Variants in PKD1L1 observed in about 807,000 individuals in gnomAD.
The protein encoded by PKD1L1 is polycystin 1 like 1, transient receptor potential channel interacting.
In PKD1L1, 236 loss-of-function variants were observed where a neutral mutation model predicts 323.4. The observed-to-expected ratio is 0.73, with a 90% CI of 0.66 to 0.81. The LOEUF (loss-of-function observed/expected upper bound fraction) is 0.81. Ranked by LOEUF, PKD1L1 falls within the 40% of genes least tolerant of loss-of-function variation. PKD1L1 has a pLI of 0.00. For missense variants in PKD1L1, 3,320 were observed against 3,508.0 expected (o/e 0.95, Z 1.35); for synonymous variants, 1,344 against 1,335.0 (o/e 1.01, Z -0.15).
chr7:47,854,781 C>T (rs1785859453), intron 30 of PKD1L1, 101 bp downstream of exon 30: 7 of 1,391,552 alleles, frequency 5.0e-6, no homozygotes, highest in Non-Finnish European at 7.0e-6. Context: ...CTCATTATTG[C>T]TTTAAAAACA....
At chr7:47,784,358 C>G (rs886980869) in intron 56 of PKD1L1, among the ~76,000 whole-genome samples, 22 of 152,110 alleles carry the variant, frequency 1.4e-4, no homozygotes, top group African/African-American at 5.3e-4. Flanking sequence ...GGGAAAAATT[C>G]CAAGACATAC....
At chr7:47,923,140 C>T (rs1301323465) in intron 7 of PKD1L1, among the ~76,000 whole-genome samples, 1 of 152,018 alleles carries the variant, frequency 6.6e-6, no homozygotes, top group East Asian at 1.9e-4. Flanking sequence ...GCAGCATACT[C>T]GTTAAGAGTC....
At chr7:47,869,520 C>T (rs1562965864) in intron 24 of PKD1L1, among the ~76,000 whole-genome samples, 1 of 152,070 alleles carries the variant, frequency 6.6e-6, no homozygotes, top group Non-Finnish European at 1.5e-5. Context: ...TAAAGAGGGA[C>T]ATTTCCTAAT....
At chr7:47,899,817 G>A (rs1328815102) in intron 13 of PKD1L1, among the ~76,000 whole-genome samples, 1 of 152,066 alleles carries the variant, frequency 6.6e-6, no homozygotes, top group Admixed American at 6.6e-5. Context: ...TTAGCCAGGT[G>A]TGGTGGCGGA....
At chr7:47,793,041 C>A (rs1457885371) in intron 55 of PKD1L1, among the ~76,000 whole-genome samples, 1 of 136,358 alleles carries the variant, frequency 7.3e-6, no homozygotes, top group African/African-American at 2.6e-5. Flanking sequence ...GTTAATAATG[C>A]CTACATAAAA....
chr7:47,922,741 C>T (rs1368721144), intron 7 of PKD1L1, among the ~76,000 whole-genome samples: 2 of 150,366 alleles, frequency 1.3e-5, no homozygotes, highest in East Asian at 3.9e-4. Context: ...CCAGCCGCCC[C>T]GTTGGGGAGG....
chr7:47,954,610 CTTT>C, the PKD1L1 span, among the ~76,000 whole-genome samples: 1 of 151,912 alleles, frequency 6.6e-6, no homozygotes, highest in African/African-American at 2.4e-5. Context: ...TGTAATTACT[CTTT>C]TCTTTATAAA....
At chr7:47,843,582 G>A (rs1785606185) in intron 33 of PKD1L1, among the ~76,000 whole-genome samples, 1 of 152,180 alleles carries the variant, frequency 6.6e-6, no homozygotes, top group African/African-American at 2.4e-5. Context: ...CCTGCTAGCA[G>A]AACAAGGCTA....
At position 47,774,919 on chromosome 7, in the gene PKD1L1, T is replaced by G. The variant is rs746292521; in HGVS notation, c.*224A>C. ...GCTGGAGTTAGAATCTTGTCCCACATCTGAACTCTCCGAATGGTGATTATG... is the reference window on the plus strand; with the variant it reads ...GCTGGAGTTAGAATCTTGTCCCACAGCTGAACTCTCCGAATGGTGATTATG... On this transcript the variant is annotated 3_prime_UTR_variant, in exon 57 of 57. Coordinates refer to ENST00000289672, the MANE Select transcript of PKD1L1 (RefSeq NM_138295.5). 5.6e-6 allele frequency: 3 copies of G among 531,360 alleles called. No individual in the cohort carries two copies. The highest frequency in any genetic ancestry group is 3.6e-5 in the Admixed American group (1 of 27,948). 32.9% of individuals were successfully genotyped at this position (531,360 alleles called of 1,614,324 possible). A position where few individuals can be genotyped will look rare whatever the true frequency, so the allele number is the denominator to read the frequency against.
chr7:47,890,685 G>A lies in PKD1L1; in HGVS notation c.2532C>T (p.Ala844=), dbSNP rs1371848036. 1.3e-5 allele frequency: 21 copies of A among 1,613,820 alleles called. No homozygotes were observed. The highest frequency in any genetic ancestry group is 6.7e-5 in the East Asian group (3 of 44,888). ...FDSSTAHQLD[A]AAPTVSFEAQ... Reference sequence around the variant, plus strand: ...CCTCAAAGGAAACAGTGGGAGCCGCGGCATCCAGTTGGTGTGCAGTGGAGG... The same window carrying A: ...CCTCAAAGGAAACAGTGGGAGCCGCAGCATCCAGTTGGTGTGCAGTGGAGG... The change falls in exon 16 of 57, where the codon GCC becomes GCT. Residue 844 remains alanine, a synonymous_variant. Transcript: ENST00000289672.
At position 47,912,566 on chromosome 7, in the gene PKD1L1, A is replaced by G. The variant is rs547084398; in HGVS notation, c.1228+2866T>C. 2.0e-5 allele frequency among the ~76,000 whole-genome samples: 3 copies of G among 152,240 alleles called. No individual in the cohort carries two copies. In the East Asian group the frequency reaches 5.8e-4, roughly 29 times the overall value. ...CACGGTGGCTCAGACCTGTGATCCT[A>G]GCACTTTGGGAGGCTGAGGCGGGTG... On this transcript the variant is annotated intron_variant, in intron 8 of 56. Transcript: ENST00000289672.
chr7:47,935,360 G>A (rs1226364316), intron 4 of PKD1L1, among the ~76,000 whole-genome samples: 1 of 152,010 alleles, frequency 6.6e-6, no homozygotes, highest in Non-Finnish European at 1.5e-5. Context: ...TGAAATGGAT[G>A]CTACACAGGG....
intron 49 of PKD1L1, among the ~76,000 whole-genome samples, 188 bp from the exon 50 acceptor site, chr7:47,812,239 C>G (rs186190447): frequency 6.6e-6 from 1 of 152,106 alleles, no homozygotes; most frequent in Non-Finnish European, 1.5e-5. Flanking sequence ...CAATAGCCCT[C>G]TGTCCTCTCT....
chr7:47,930,141 A>T (rs572967795), intron 6 of PKD1L1, among the ~76,000 whole-genome samples: 1 of 152,282 alleles, frequency 6.6e-6, no homozygotes. Flanking sequence ...TAAACGAAAG[A>T]TTAAAGAAAG....
intron 7 of PKD1L1, among the ~76,000 whole-genome samples, chr7:47,924,403 A>G (rs1026510378): frequency 2.0e-5 from 3 of 152,156 alleles, no homozygotes; most frequent in African/African-American, 7.2e-5. Flanking sequence ...GAAACGTTAA[A>G]TCCAAAAAAT....
chr7:47,862,603 C>A (rs183898185), intron 26 of PKD1L1, among the ~76,000 whole-genome samples: 1 of 152,114 alleles, frequency 6.6e-6, no homozygotes, highest in Non-Finnish European at 1.5e-5. Flanking sequence ...AAGGGGATAG[C>A]CCATAACAGG....
intron 26 of PKD1L1, among the ~76,000 whole-genome samples, chr7:47,864,576 T>TTTCC (rs967936305): frequency 9.3e-6 from 1 of 107,520 alleles, no homozygotes; most frequent in Non-Finnish European, 1.9e-5. Context: ...TTTTTCTTTC[T>TTTCC]TTTCTTTCTT....
intron 54 of PKD1L1, among the ~76,000 whole-genome samples, chr7:47,796,427 G>A (rs1230068467): frequency 6.6e-6 from 1 of 152,154 alleles, no homozygotes; most frequent in South Asian, 2.1e-4. Flanking sequence ...TTATCAACGC[G>A]ATGTGCATGC....
intron 47 of PKD1L1, among the ~76,000 whole-genome samples, chr7:47,814,361 G>A (rs957346209): frequency 2.0e-5 from 3 of 152,148 alleles, no homozygotes; most frequent in African/African-American, 7.2e-5. Context: ...AACTGCTCAA[G>A]GAATATGGAC....
Sources: gnomAD v4.1 joint callset for allele counts (sites outside exome capture counted in the v4.1 genomes callset) on GRCh38, gnomAD v4.1.1 for gene constraint, MANE v1.5 for transcripts, NCBI Gene and HGNC (gene_info 2026-07-23, HGNC 2026-07-21) for gene names.